ZNF154: variants seen among roughly 807,000 people sequenced by gnomAD.
The protein encoded by ZNF154 is zinc finger protein 154, also known as zinc finger protein 154 (pHZ-92).
A neutral mutation model predicts 7.5 loss-of-function variants in ZNF154; 6 were observed. The observed-to-expected ratio is 0.80, with a 90% CI of 0.44 to 1.57. The LOEUF is 1.57. Ranked by LOEUF, ZNF154 falls within the 40% of genes most tolerant of loss-of-function variation. The probability of loss-of-function intolerance (pLI) is 0.01; values close to 1 mark genes in which losing one functional copy is unlikely to be tolerated. For synonymous variants in ZNF154, 187 were observed against 185.9 expected (o/e 1.01, Z -0.05); for missense variants, 485 against 531.4 (o/e 0.91, Z 0.86).
chr19:57,703,484 CAAAAAAAAA>C (rs3062223), intron 2 of ZNF154, among the ~76,000 whole-genome samples: 6 of 75,134 alleles, frequency 8.0e-5, no homozygotes, highest in Non-Finnish European at 1.2e-4. Flanking sequence ...GACTCCGTCT[CAAAAAAAAA>C]AAAAAAAAAA....
At position 57,696,551 on chromosome 19, in the gene ZNF154, G is replaced by A. The variant is rs1283309631; in HGVS notation, c.*5084C>T. On this transcript the variant is annotated 3_prime_UTR_variant, in exon 3 of 3. Transcript: ENST00000684351. ...AGTGGCAGAGGAGGGATTAAACCCAGGCAGCAGAGGGAGCAGAGGGCCTGG... is the reference window on the plus strand; with the variant it reads ...AGTGGCAGAGGAGGGATTAAACCCAAGCAGCAGAGGGAGCAGAGGGCCTGG... Among the ~76,000 whole-genome samples, 2 of 152,168 alleles carry A rather than the reference G, an allele frequency of 1.3e-5. No individual in the cohort carries two copies. The highest frequency in any genetic ancestry group is 2.9e-5 in the Non-Finnish European group (2 of 68,042).
In ZNF154 at chr19:57,701,756, GA is replaced by G; in HGVS notation, c.1192del (p.Ser398ProfsTer76). 1 of 1,614,138 alleles carries G rather than the reference GA, an allele frequency of 6.2e-7. No individual in the cohort carries two copies. The highest frequency in any genetic ancestry group is 8.5e-7 in the Non-Finnish European group (1 of 1,180,034). On this transcript the variant is annotated frameshift_variant, in exon 3 of 3. Coordinates refer to ENST00000684351, the MANE Select transcript of ZNF154 (RefSeq NM_001085384.3). LOFTEE classifies it low-confidence loss of function (END_TRUNC). ...SECGKSFTQN[S>X]GLIKHRRVHT... Reference sequence around the variant, plus strand: ...AACCCTCCTGTGCTTAATGAGGCCGGAATTTTGAGTAAAGGATTTCCCACAT... The same window carrying G: ...AACCCTCCTGTGCTTAATGAGGCCGGATTTTGAGTAAAGGATTTCCCACAT...
At chr19:57,705,050 T>C in intron 1 of ZNF154, 71 bp from the exon 2 acceptor site, 1 of 1,527,216 alleles carries the variant, frequency 6.5e-7, no homozygotes, top group Non-Finnish European at 8.8e-7. Flanking sequence ...TACCCCCACA[T>C]CTTTACCCCA....
rs764857652 is a variant in ZNF154 at position 57,702,015 on chromosome 19, G to A, written c.934C>T (p.Gln312Ter). 1.5e-5 allele frequency: 24 copies of A among 1,611,852 alleles called. No homozygotes were observed. Among genetic ancestry groups the A allele is most frequent in the Non-Finnish European group, 1.9e-5 (23 of 1,179,528 alleles). Reference protein sequence around the residue: ...ECSECGKSFSQNSSLIEHHRV... With the variant: ...ECSECGKSFS ...TGGTGTTCAATGAGGCTAGAGTTTT[G>A]GCTAAATGACTTCCCACATTCGCTG... The change falls in exon 3 of 3, where the codon CAA becomes TAA. Residue 312 changes from glutamine to a stop codon, truncating the protein, a stop_gained. Transcript: ENST00000684351. LOFTEE classifies it low-confidence loss of function (END_TRUNC).
rs557516189 is a variant in ZNF154, at chr19:57,705,220, G to A, written c.34-241C>T. On this transcript the variant is annotated intron_variant, in intron 1 of 2. Transcript: ENST00000684351. Reference sequence around the variant, plus strand: ...ATCTAAGTCTCAATACCAGGGCCCTGCAGCTGTCACTTACTCCCTTTCCAG... The same window carrying A: ...ATCTAAGTCTCAATACCAGGGCCCTACAGCTGTCACTTACTCCCTTTCCAG... Among the ~76,000 whole-genome samples the A allele has an allele frequency of 2.6e-5, 4 of 152,228 alleles. No homozygotes were observed. In the South Asian group the frequency reaches 8.3e-4, roughly 32 times the overall value.
chr19:57,702,484 G>C lies in ZNF154; in HGVS notation c.465C>G (p.Leu155=). 1 of 1,614,234 alleles carries C rather than the reference G, an allele frequency of 6.2e-7. No individual in the cohort carries two copies. The highest frequency in any genetic ancestry group is 1.3e-5 in the African/African-American group (1 of 75,056). The stretch of plus-strand genomic sequence containing the variant: ...TGCATATGTAACATCTTTCTGTAGT[G>C]AGGGTTCTCTGCTGCTGAACAAGTG... ...KHTLVQQQRT[L]TTERCYICSE... The change falls in exon 3 of 3, where the codon CTC becomes CTG. Residue 155 remains leucine, a synonymous_variant. Transcript: ENST00000684351.
rs1344541225 is a variant in ZNF154 at position 57,702,013 on chromosome 19, T to C, written c.936A>G (p.Gln312=). Residue 312 remains glutamine (Q), a synonymous_variant, in exon 3 of 3, where the codon CAA becomes CAG. Transcript: ENST00000684351. ...TATGGTGTTCAATGAGGCTAGAGTT[T>C]TGGCTAAATGACTTCCCACATTCGC... The part of the protein sequence containing the change: ...ECSECGKSFS[Q]NSSLIEHHRV... 6.2e-7 allele frequency: 1 copy of C among 1,613,104 alleles called. No individual in the cohort carries two copies. Among genetic ancestry groups the C allele is most frequent in the Admixed American group, 1.7e-5 (1 of 59,934 alleles).
chr19:57,708,802 C>CA (rs1985505941), intron 1 of ZNF154, 137 bp downstream of exon 1: 13 of 1,195,990 alleles, frequency 1.1e-5, no homozygotes, highest in African/African-American at 1.5e-5. Flanking sequence ...CACGCAGTGT[C>CA]AAAAAAAGGG....
intron 1 of ZNF154, among the ~76,000 whole-genome samples, chr19:57,705,957 G>T (rs1376123117): frequency 6.6e-6 from 1 of 152,096 alleles, no homozygotes; most frequent in Non-Finnish European, 1.5e-5. Flanking sequence ...GGCTTGTTTG[G>T]AAAACTCCAT....
intron 1 of ZNF154, among the ~76,000 whole-genome samples, chr19:57,707,349 C>G (rs1307024546): frequency 3.9e-5 from 6 of 152,174 alleles, no homozygotes; most frequent in Non-Finnish European, 8.8e-5. Flanking sequence ...ACTGTTAATA[C>G]CAACTTCTCC....
In ZNF154 at chr19:57,700,666, G is replaced by C. The variant is rs984269026; in HGVS notation, c.*969C>G. On this transcript the variant is annotated 3_prime_UTR_variant, in exon 3 of 3. Coordinates refer to ENST00000684351, the MANE Select transcript of ZNF154 (RefSeq NM_001085384.3). ...GTGAACAAGAGAACAATTTCATGTT[G>C]CTTTCAGAAACATCAAAGGATGTCA... 1 of 152,230 alleles carries C rather than the reference G, an allele frequency of 6.6e-6. No individual in the cohort carries two copies. Among genetic ancestry groups the C allele is most frequent in the Non-Finnish European group, 1.5e-5 (1 of 68,026 alleles). The allele number at this position is 152,230 out of a possible 1,614,324, so 9.4% of individuals were successfully genotyped here.
chr19:57,706,664 C>G (rs929300785), intron 1 of ZNF154, among the ~76,000 whole-genome samples: 5 of 152,216 alleles, frequency 3.3e-5, no homozygotes, highest in African/African-American at 1.2e-4. Context: ...GCCCAACTAT[C>G]CTCTCCAAAC....
chr19:57,700,642 T>A lies in ZNF154; in HGVS notation c.*993A>T, dbSNP rs1985086099. On this transcript the variant is annotated 3_prime_UTR_variant, in exon 3 of 3. Transcript: ENST00000684351. ...ACTGAACACGATGCAGTATTCCTTGTGAACAAGAGAACAATTTCATGTTGC... is the reference window on the plus strand; with the variant it reads ...ACTGAACACGATGCAGTATTCCTTGAGAACAAGAGAACAATTTCATGTTGC... The A allele has an allele frequency of 6.6e-6, 1 of 152,248 alleles. No individual in the cohort carries two copies. The highest frequency in any genetic ancestry group is 2.4e-5 in the African/African-American group (1 of 41,464). The allele number at this position is 152,248 out of a possible 1,614,324, so 9.4% of individuals were successfully genotyped here.
At chr19:57,704,277 C>G (rs550310248) in intron 2 of ZNF154, among the ~76,000 whole-genome samples, 2 of 152,164 alleles carry the variant, frequency 1.3e-5, no homozygotes, top group Non-Finnish European at 2.9e-5. Flanking sequence ...GGTTGCTGCT[C>G]TGATACAGCA....
Position 57,708,975 on chromosome 19 carries a change from ACT to A in ZNF154, c.-6_-5del, listed in dbSNP as rs1167823682. On this transcript the variant is annotated 5_prime_UTR_variant, in exon 1 of 3. Transcript: ENST00000684351. ...TCCTCAGAGTGGCCGCTGCCATCAG[ACT>A]CTGCGGGTAGAGCTGGGCCGGGAGC... The A allele has an allele frequency of 5.8e-6, 9 of 1,558,112 alleles. No individual in the cohort carries two copies. The highest frequency in any genetic ancestry group is 6.9e-6 in the Non-Finnish European group (8 of 1,151,836).
rs1490025462 is a variant in ZNF154, at chr19:57,701,701, C to T, written c.1248G>A (p.Thr416=). Reference sequence around the variant, plus strand: ...TATGGCTAAAGGATTTCCCACATTCCGTGCACTCATAAGGCTTCTCCCCAG... The same window carrying T: ...TATGGCTAAAGGATTTCCCACATTCTGTGCACTCATAAGGCTTCTCCCCAG... The part of the protein sequence containing the change: ...VHTGEKPYEC[T]ECGKSFSHNS... The change falls in exon 3 of 3, where the codon ACG becomes ACA. Residue 416 remains threonine, a synonymous_variant. Coordinates refer to ENST00000684351, the MANE Select transcript of ZNF154 (RefSeq NM_001085384.3). 5.0e-6 allele frequency: 8 copies of T among 1,613,724 alleles called. No individual in the cohort carries two copies. Among genetic ancestry groups the T allele is most frequent in the South Asian group, 1.1e-5 (1 of 91,042 alleles).
Position 57,700,108 on chromosome 19 carries a change from T to G in ZNF154, c.*1527A>C, listed in dbSNP as rs1985063824. 1 of 152,272 alleles carries G rather than the reference T, an allele frequency of 6.6e-6. No homozygotes were observed. The highest frequency in any genetic ancestry group is 2.4e-5 in the African/African-American group (1 of 41,470). The allele number at this position is 152,272 out of a possible 1,614,324, so 9.4% of individuals were successfully genotyped here. ...AAAATCAGGTTTGACAACCCTATGT[T>G]GATTCCACCATCTCTCTCCTCATGT... is the stretch of plus-strand genomic sequence containing the variant. On this transcript the variant is annotated 3_prime_UTR_variant, in exon 3 of 3. Transcript: ENST00000684351.
intron 2 of ZNF154, among the ~76,000 whole-genome samples, chr19:57,704,124 G>T (rs1016728535): frequency 1.3e-5 from 2 of 152,204 alleles, no homozygotes; most frequent in Non-Finnish European, 1.5e-5. Context: ...GAGATGTGAG[G>T]ATTAGCCCCA....
intron 1 of ZNF154, among the ~76,000 whole-genome samples, chr19:57,705,664 G>A (rs1236430940): frequency 6.6e-6 from 1 of 151,122 alleles, no homozygotes; most frequent in Non-Finnish European, 1.5e-5. Context: ...TGAGGCAGGA[G>A]AATTGCTTGA....
Sources: allele counts gnomAD v4.1 joint callset (sites outside exome capture counted in the v4.1 genomes callset), GRCh38; gene constraint gnomAD v4.1.1; transcripts MANE v1.5; gene names NCBI Gene and HGNC (gene_info 2026-07-23, HGNC 2026-07-21).